NUP210L: variants seen among roughly 807,000 people sequenced by gnomAD.
NUP210L encodes the protein nuclear pore membrane glycoprotein 210-like.
NUP210L carries 74 observed loss-of-function variants against 208.5 expected under a neutral mutation model. That is an observed-to-expected ratio of 0.35 (90% CI 0.29 to 0.43). NUP210L has a LOEUF of 0.43. NUP210L is among the 20% of genes least tolerant of loss of function. The pLI is 1.00. For missense variants in NUP210L, 1,843 were observed against 2,289.4 expected, an observed-to-expected ratio of 0.81 and a Z score of 3.98; for synonymous variants, 780 against 816.9, an observed-to-expected ratio of 0.95 and a Z score of 0.77.
intron 2 of NUP210L, among the ~76,000 whole-genome samples, chr1:154,151,175 C>A (rs1330431085): frequency 6.6e-6 from 1 of 151,584 alleles, no homozygotes; most frequent in Non-Finnish European, 1.5e-5. Context: ...GTGACCAAAT[C>A]AATGTTTTTT....
At chr1:154,119,730 T>C (rs574741373) in intron 10 of NUP210L, among the ~76,000 whole-genome samples, 3 of 152,298 alleles carry the variant, frequency 2.0e-5, no homozygotes, top group African/African-American at 7.2e-5. Flanking sequence ...TGAGGGACAA[T>C]TGTATTTAGA....
chr1:153,992,889 T>TGGGCAAA lies in NUP210L; in HGVS notation c.5612_5613insTTTGCCC (p.Gln1871HisfsTer30), dbSNP rs1649546789. ...GCAGCCGACTTTGGGCCAATGGAGG[T>TGGGCAAA]TGTAGACTCATGAAGTGAGGGGGAG... On this transcript the variant is annotated frameshift_variant, in exon 40 of 40. Coordinates refer to ENST00000368559, the Ensembl canonical transcript of NUP210L. LOFTEE classifies it high-confidence loss of function. 2.5e-6 allele frequency: 4 copies of TGGGCAAA among 1,613,018 alleles called. No homozygotes were observed. In the African/African-American group the frequency reaches 5.4e-5, roughly 22 times the overall value.
intron 5 of NUP210L, among the ~76,000 whole-genome samples, chr1:154,139,427 T>C (rs1658717514): frequency 6.6e-6 from 1 of 152,204 alleles, no homozygotes; most frequent in Non-Finnish European, 1.5e-5. Context: ...AATAACTTTT[T>C]CAATTAAATG....
intron 37 of NUP210L, among the ~76,000 whole-genome samples, chr1:153,995,395 A>G (rs976777175): frequency 2.0e-5 from 3 of 152,210 alleles, no homozygotes; most frequent in Non-Finnish European, 4.4e-5. Context: ...TATCTGCCAG[A>G]AGTATTCAAA....
chr1:154,060,832 TGTATC>T, intron 19 of NUP210L, 105 bp downstream of exon 19: 1 of 800,372 alleles, frequency 1.2e-6, no homozygotes, highest in Non-Finnish European at 2.0e-6. Context: ...TTTACATATA[TGTATC>T]AATTATTTTC....
At chr1:154,044,322 G>A (rs1255145054) in intron 27 of NUP210L, among the ~76,000 whole-genome samples, 1 of 151,472 alleles carries the variant, frequency 6.6e-6, no homozygotes, top group Admixed American at 6.6e-5. Context: ...CACAAGAATC[G>A]CTTGAACCCA....
At chr1:153,995,958 T>TA (rs1248067291) in intron 37 of NUP210L, 4 of 441,514 alleles carry the variant, frequency 9.1e-6, no homozygotes, top group Non-Finnish European at 1.7e-5. Context: ...GTCAGCTAAA[T>TA]AAAAAATGAA....
At chr1:154,143,531 G>A in exon 3 of NUP210L, 2 of 1,613,756 alleles carry the variant, frequency 1.2e-6, no homozygotes, top group Non-Finnish European at 1.7e-6. Flanking sequence ...TTTCAATGCT[G>A]TTTATCACAT....
chr1:154,118,692 C>T (rs1657456091), exon 11 of NUP210L: 1 of 1,600,564 alleles, frequency 6.2e-7, no homozygotes, highest in Non-Finnish European at 8.5e-7. Context: ...AACGATATAA[C>T]ATTCCCATAG....
intron 7 of NUP210L, among the ~76,000 whole-genome samples, chr1:154,131,603 CTTAT>C (rs753585522): frequency 1.9e-4 from 29 of 151,634 alleles, no homozygotes; most frequent in African/African-American, 6.1e-4. Flanking sequence ...CTTTTTCAAA[CTTAT>C]TTGTTTTTGT....
exon 40 of NUP210L, chr1:153,992,828 G>A (rs927557822): frequency 3.8e-6 from 6 of 1,575,798 alleles, no homozygotes; most frequent in African/African-American, 1.4e-5. Flanking sequence ...ACTTGTCCAA[G>A]CAGAGGTTAG....
At chr1:154,134,131 CAA>C (rs1658393416) in intron 7 of NUP210L, among the ~76,000 whole-genome samples, 1 of 144,696 alleles carries the variant, frequency 6.9e-6, no homozygotes, top group South Asian at 2.2e-4. Context: ...GCTTGGGCAA[CAA>C]GAGCAAAACT....
chr1:154,084,713 T>G (rs2148036572), intron 16 of NUP210L, among the ~76,000 whole-genome samples: 1 of 151,184 alleles, frequency 6.6e-6, no homozygotes, highest in East Asian at 2.0e-4. Context: ...GCTCAAGTGA[T>G]CCACCTGCCT....
chr1:154,017,519 C>CT (rs553512184), intron 33 of NUP210L, among the ~76,000 whole-genome samples: 57,461 of 127,912 alleles, frequency 0.45, 13,473 homozygotes, highest in East Asian at 0.76. Flanking sequence ...TTCTTTCTTT[C>CT]TTTTTTTTTT....
At chr1:154,061,592 G>T in exon 18 of NUP210L, 1 of 1,561,924 alleles carries the variant, frequency 6.4e-7, no homozygotes, top group South Asian at 1.1e-5. Context: ...TCACTTTTGG[G>T]CTTTTCTTCT....
chr1:154,151,586 A>T (rs566766432), intron 2 of NUP210L, among the ~76,000 whole-genome samples: 1 of 152,322 alleles, frequency 6.6e-6, no homozygotes, highest in East Asian at 1.9e-4. Context: ...AAAGCTGGAA[A>T]CAAAAATAGA....
chr1:154,029,521 T>C (rs958573583), intron 28 of NUP210L, among the ~76,000 whole-genome samples: 1 of 150,756 alleles, frequency 6.6e-6, no homozygotes, highest in African/African-American at 2.4e-5. Flanking sequence ...CTGACCAACA[T>C]GGAGAAACCC....
intron 37 of NUP210L, among the ~76,000 whole-genome samples, chr1:153,997,458 T>C (rs1236390158): frequency 6.8e-6 from 1 of 146,162 alleles, no homozygotes; most frequent in Non-Finnish European, 1.5e-5. Context: ...TGTTTTTCTT[T>C]TCTTTTCTGT....
exon 16 of NUP210L, chr1:154,089,424 C>A: frequency 6.2e-7 from 1 of 1,614,012 alleles, no homozygotes; most frequent in Non-Finnish European, 8.5e-7. Flanking sequence ...TACTTACCAG[C>A]CATTTGTTGT....
Sources: allele counts gnomAD v4.1 joint callset (sites outside exome capture counted in the v4.1 genomes callset), GRCh38; gene constraint gnomAD v4.1.1; transcripts MANE v1.5; gene names NCBI Gene and HGNC (gene_info 2026-07-23, HGNC 2026-07-21).